The following LHPP variants were observed in gnomAD, a reference collection of about 807,000 sequenced individuals.
LHPP encodes phospholysine phosphohistidine inorganic pyrophosphate phosphatase, also known as hLHPP.
LHPP carries 24 observed loss-of-function variants against 30.3 expected under a neutral mutation model. That is an observed-to-expected ratio of 0.79 (90% CI 0.57 to 1.11). The LOEUF (loss-of-function observed/expected upper bound fraction) is 1.11, where lower values mean the gene tolerates loss of function less well. Ranked by LOEUF, LHPP falls within the 50% of genes most tolerant of loss-of-function variation. The probability of loss-of-function intolerance (pLI) is 0.00; values close to 1 mark genes in which losing one functional copy is unlikely to be tolerated. For missense variants in LHPP, 356 were observed against 367.2 expected, an observed-to-expected ratio of 0.97 and a Z score of 0.25; for synonymous variants, 150 against 157.1, an observed-to-expected ratio of 0.95 and a Z score of 0.34.
At chr10:124,531,731 A>T (rs949323529) in intron 6 of LHPP, among the ~76,000 whole-genome samples, 1 of 152,200 alleles carries the variant, frequency 6.6e-6, no homozygotes, top group African/African-American at 2.4e-5. Context: ...AATATTGCTG[A>T]TGTTAACCTT....
chr10:124,491,732 C>T (rs1953537264), intron 3 of LHPP, among the ~76,000 whole-genome samples: 1 of 152,186 alleles, frequency 6.6e-6, no homozygotes, highest in Admixed American at 6.5e-5. Context: ...CAAGACCAGG[C>T]TGGCCAACAT....
At position 124,523,143 on chromosome 10, in the gene LHPP, G is replaced by A. The variant is rs1348806068; in HGVS notation, c.716+5872G>A. 6.6e-6 allele frequency among the ~76,000 whole-genome samples: 1 copy of A among 152,238 alleles called. No homozygotes were observed. The highest frequency in any genetic ancestry group is 2.4e-5 in the African/African-American group (1 of 41,462). On this transcript the variant is annotated intron_variant, in intron 6 of 6. Transcript: ENST00000368842. This position sits in a 1 kb window ranked among gnomAD's most constrained non-coding sequence, Gnocchi z 4.2. ...AGCCGCGATGCGGAGCTCGCCTCTG[G>A]TCTTCTCTTATTGTTTACCCAAGGC...
At chr10:124,602,055 G>A (rs984987820) in intron 6 of LHPP, among the ~76,000 whole-genome samples, 1 of 152,204 alleles carries the variant, frequency 6.6e-6, no homozygotes, top group Non-Finnish European at 1.5e-5. Context: ...TGGGAGTGGA[G>A]ACCCCTGCCT....
chr10:124,580,874 A>G (rs1328472778), intron 6 of LHPP, among the ~76,000 whole-genome samples: 2 of 152,000 alleles, frequency 1.3e-5, no homozygotes, highest in African/African-American at 4.8e-5. Context: ...ACCCGCCACC[A>G]CACCCAGCTA....
At position 124,493,444 on chromosome 10, in the gene LHPP, G is replaced by T. The variant is rs532678464; in HGVS notation, c.468-3517G>T. Among the ~76,000 whole-genome samples the T allele has an allele frequency of 2.6e-5, 4 of 152,312 alleles. No individual in the cohort carries two copies. In the East Asian group the frequency reaches 7.7e-4, roughly 29 times the overall value. ...GGAGGCAGGAGCAGCGGGTGGAGGC[G>T]CCGGGGCAGACTGTCCCTCTCCTGG... On this transcript the variant is annotated intron_variant, in intron 3 of 6. Transcript: ENST00000368842.
intron 1 of LHPP, among the ~76,000 whole-genome samples, chr10:124,464,478 C>T (rs1952502556): frequency 6.6e-6 from 1 of 152,162 alleles, no homozygotes; most frequent in Admixed American, 6.5e-5. Context: ...AACAGGGAGA[C>T]TTGGCTTCCA....
intron 6 of LHPP, among the ~76,000 whole-genome samples, chr10:124,549,991 G>GTGGC (rs56194008): frequency 0.14 from 21,175 of 152,252 alleles, 1,929 homozygotes; most frequent in Non-Finnish European, 0.2. Flanking sequence ...CAGGGACTGG[G>GTGGC]TGGCACAGGT....
intron 6 of LHPP, among the ~76,000 whole-genome samples, chr10:124,547,338 GT>G (rs1340756420): frequency 4.6e-5 from 7 of 152,160 alleles, no homozygotes; most frequent in Non-Finnish European, 1.0e-4. Context: ...TTATTTTCAT[GT>G]TTTTAAACTT....
chr10:124,595,522 TA>T (rs1254916000), intron 6 of LHPP, among the ~76,000 whole-genome samples: 3 of 152,254 alleles, frequency 2.0e-5, no homozygotes, highest in Non-Finnish European at 2.9e-5. Context: ...CTGTCACTCC[TA>T]AACAGTTATC....
intron 6 of LHPP, among the ~76,000 whole-genome samples, chr10:124,547,346 A>G (rs1955374590): frequency 6.6e-6 from 1 of 152,246 alleles, no homozygotes; most frequent in Admixed American, 6.5e-5. Context: ...ATGTTTTTAA[A>G]CTTTCTAATT....
At chr10:124,563,578 C>CT (rs1170578301) in intron 6 of LHPP, among the ~76,000 whole-genome samples, 2 of 152,038 alleles carry the variant, frequency 1.3e-5, no homozygotes, top group African/African-American at 4.8e-5. Context: ...TGGAAAGCTT[C>CT]TTTATTTCAC....
intron 1 of LHPP, among the ~76,000 whole-genome samples, chr10:124,464,719 G>A (rs143191755): frequency 1.3e-5 from 2 of 152,334 alleles, no homozygotes; most frequent in East Asian, 3.9e-4. Flanking sequence ...CATCTGGGGA[G>A]CAGGAAGCCA....
intron 6 of LHPP, among the ~76,000 whole-genome samples, chr10:124,555,951 G>A (rs1002139825): frequency 1.3e-5 from 2 of 151,882 alleles, no homozygotes; most frequent in African/African-American, 2.4e-5. Context: ...CAGCTGGGAC[G>A]TAGTGCAACC....
rs1387754878 is a variant in LHPP at position 124,590,496 on chromosome 10, C to T, written c.717-22768C>T. Reference sequence around the variant, plus strand: ...CCCCGAGAAAGCCGCTGTGTGACCCCATTAGGGGACTTGGCTCTCCTGCCA... The same window carrying T: ...CCCCGAGAAAGCCGCTGTGTGACCCTATTAGGGGACTTGGCTCTCCTGCCA... On this transcript the variant is annotated intron_variant, in intron 6 of 6. Transcript: ENST00000368842. This position sits in a 1 kb window ranked among gnomAD's most constrained non-coding sequence, Gnocchi z 4.3. Among the ~76,000 whole-genome samples, 1 of 152,170 alleles carries T rather than the reference C, an allele frequency of 6.6e-6. No homozygotes were observed. Among genetic ancestry groups the T allele is most frequent in the African/African-American group, 2.4e-5 (1 of 41,424 alleles).
At chr10:124,613,169 C>A in intron 6 of LHPP, 95 bp from the exon 7 acceptor site, 2 of 989,514 alleles carry the variant, frequency 2.0e-6, no homozygotes, top group Non-Finnish European at 3.2e-6. Flanking sequence ...TTTCCTCAAG[C>A]TAAGGCCAGG....
rs1277926780 is a variant in LHPP at position 124,478,414 on chromosome 10, G to A, written c.126-5725G>A. 1.3e-5 allele frequency among the ~76,000 whole-genome samples: 2 copies of A among 152,140 alleles called. No homozygotes were observed. Among genetic ancestry groups the A allele is most frequent in the African/African-American group, 4.8e-5 (2 of 41,426 alleles). ...GAGGGGCTCATGCTGCCCTTTTCCT[G>A]AGGCCCCCTGCTGCCTGCCCAGTCT... On this transcript the variant is annotated intron_variant, in intron 1 of 6. Coordinates refer to ENST00000368842, the MANE Select transcript of LHPP (RefSeq NM_022126.4). This position sits in a 1 kb window ranked among gnomAD's most constrained non-coding sequence, Gnocchi z 4.7.
chr10:124,528,915 T>G (rs1245306395), intron 6 of LHPP, among the ~76,000 whole-genome samples: 1 of 152,158 alleles, frequency 6.6e-6, no homozygotes, highest in African/African-American at 2.4e-5. Context: ...ATCTCTGCTC[T>G]GTTGGTCCCC....
chr10:124,512,525 G>A (rs1954328202), intron 5 of LHPP, among the ~76,000 whole-genome samples: 1 of 149,762 alleles, frequency 6.7e-6, no homozygotes, highest in East Asian at 2.0e-4. Context: ...GCTGAGGCAG[G>A]AGAATGGCGT....
At chr10:124,531,381 C>T (rs1435524893) in intron 6 of LHPP, among the ~76,000 whole-genome samples, 1 of 152,202 alleles carries the variant, frequency 6.6e-6, no homozygotes, top group African/African-American at 2.4e-5. Flanking sequence ...TTCTCATTTT[C>T]AAATAATTTT....
Sources: gnomAD v4.1 joint callset for allele counts (sites outside exome capture counted in the v4.1 genomes callset) on GRCh38, gnomAD v4.1.1 for gene constraint, Gnocchi (gnomAD v3.1) non-coding constraint, MANE v1.5 for transcripts, NCBI Gene and HGNC (gene_info 2026-07-23, HGNC 2026-07-21) for gene names.